Variants in PPP6R2 observed in about 807,000 individuals in gnomAD.
The protein encoded by PPP6R2 is protein phosphatase 6 regulatory subunit 2, also known as serine/threonine-protein phosphatase 6 regulatory subunit 2.
Under a neutral mutation model 100.2 loss-of-function variants are expected in PPP6R2, and 62 were observed. The observed-to-expected ratio is 0.62, with a 90% CI of 0.50 to 0.76. The LOEUF is 0.76. Among genes scored for constraint, PPP6R2 ranks in the 30% least tolerant of loss-of-function variants. PPP6R2 has a pLI of 0.00. For synonymous variants in PPP6R2, 525 were observed against 514.7 expected (o/e 1.02, Z -0.27); for missense variants, 1,142 against 1,276.3 (o/e 0.89, Z 1.60).
rs1010655137 is a variant in PPP6R2 at position 50,393,534 on chromosome 22, G to A, written c.-16-359G>A. 1.9e-5 allele frequency: 19 copies of A among 985,082 alleles called. No individual in the cohort carries two copies. In the African/African-American group the frequency reaches 2.6e-4, roughly 14 times the overall value. 61.0% of individuals were successfully genotyped at this position (985,082 alleles called of 1,614,324 possible). On this transcript the variant is annotated intron_variant, in intron 2 of 23. Transcript: ENST00000612753. ...GCATGTCGAGCACGCTGGTGGGTGG[G>A]GGACAGTGTGGGGAAGGAGGGCAAA...
chr22:50,376,508 C>T (rs1306611616), intron 2 of PPP6R2, among the ~76,000 whole-genome samples: 1 of 152,036 alleles, frequency 6.6e-6, no homozygotes, highest in Non-Finnish European at 1.5e-5. Flanking sequence ...CTGCAACTTC[C>T]GCCTCCTGGG....
chr22:50,441,138 C>T, intron 22 of PPP6R2, 112 bp downstream of exon 22: 1 of 952,658 alleles, frequency 1.0e-6, no homozygotes, highest in Non-Finnish European at 1.5e-6. Context: ...CCAGGGTCTT[C>T]TCCACACTGC....
At chr22:50,336,654 A>G in the PPP6R2 span, among the ~76,000 whole-genome samples, 1 of 152,036 alleles carries the variant, frequency 6.6e-6, no homozygotes, top group East Asian at 1.9e-4. Flanking sequence ...TCAGCCTCCC[A>G]AATTGCTGGG....
chr22:50,334,117 G>A, the PPP6R2 span, among the ~76,000 whole-genome samples: 9 of 152,392 alleles, frequency 5.9e-5, no homozygotes, highest in South Asian at 2.1e-4. Flanking sequence ...GACTAGGAGC[G>A]TGACCGCTGA....
intron 2 of PPP6R2, among the ~76,000 whole-genome samples, chr22:50,373,343 G>A (rs2050714503): frequency 6.9e-6 from 1 of 145,904 alleles, no homozygotes; most frequent in Admixed American, 7.0e-5. Flanking sequence ...CTGGGTTCAT[G>A]CCATTCTCCT....
chr22:50,423,089 G>A lies in PPP6R2; in HGVS notation c.973-373G>A, dbSNP rs12483987. Among the ~76,000 whole-genome samples, 957 of 152,218 alleles carry A rather than the reference G, an allele frequency of 6.3e-3. 4 individuals carry two copies. Among genetic ancestry groups the A allele is most frequent in the South Asian group, 0.024 (116 of 4,820 alleles). ...AGCTTGGTGTTCTGAGATTGTGGCC[G>A]CAGAGGGACCCCCACTGGGCATCCT... On this transcript the variant is annotated intron_variant, in intron 9 of 23. Coordinates refer to ENST00000612753, the MANE Select transcript of PPP6R2 (RefSeq NM_001242898.2). This position sits in a 1 kb window ranked among gnomAD's most constrained non-coding sequence, Gnocchi z 4.8.
chr22:50,339,061 TGTG>T (rs375624554), upstream of PPP6R2, among the ~76,000 whole-genome samples: 2,331 of 126,044 alleles, frequency 0.018, 28 homozygotes, highest in South Asian at 0.042. Context: ...TGTTATGTGG[TGTG>T]GTGTATGTGG....
At chr22:50,395,769 G>A (rs909408840) in intron 3 of PPP6R2, among the ~76,000 whole-genome samples, 1 of 149,812 alleles carries the variant, frequency 6.7e-6, no homozygotes, top group Non-Finnish European at 1.5e-5. Context: ...GTTTCACCAC[G>A]TTGCACAGGC....
At chr22:50,367,650 C>T (rs919157270) in intron 1 of PPP6R2, among the ~76,000 whole-genome samples, 3 of 152,092 alleles carry the variant, frequency 2.0e-5, no homozygotes, top group Admixed American at 1.3e-4. Context: ...CCAGACTGTC[C>T]CATTACAGTC....
In PPP6R2 at chr22:50,444,624, T is replaced by C. The variant is rs1231407306; in HGVS notation, c.*377T>C. 4.2e-6 allele frequency: 1 copy of C among 237,468 alleles called. No individual in the cohort carries two copies. The highest frequency in any genetic ancestry group is 2.3e-5 in the African/African-American group (1 of 42,748). The allele number at this position is 237,468 out of a possible 1,614,324, so 14.7% of individuals were successfully genotyped here. On this transcript the variant is annotated 3_prime_UTR_variant, in exon 24 of 24. Coordinates refer to ENST00000612753, the MANE Select transcript of PPP6R2 (RefSeq NM_001242898.2). Reference sequence around the variant, plus strand: ...CATGGAGGCTGTTTTTACAGTTTTTTTTTTGTTGTTGTTTTGTTTTTAAAG... The same window carrying C: ...CATGGAGGCTGTTTTTACAGTTTTTCTTTTGTTGTTGTTTTGTTTTTAAAG...
chr22:50,439,208 C>T (rs1202426715), intron 19 of PPP6R2, among the ~76,000 whole-genome samples: 3 of 152,182 alleles, frequency 2.0e-5, no homozygotes, highest in Admixed American at 1.3e-4. Context: ...CACTGAGGCA[C>T]TCAGGACTTT....
At chr22:50,427,342 C>T (rs1475064263) in intron 10 of PPP6R2, among the ~76,000 whole-genome samples, 1 of 152,184 alleles carries the variant, frequency 6.6e-6, no homozygotes, top group African/African-American at 2.4e-5. Context: ...AGTTTTCCAA[C>T]TTTGTTCTTT....
At chr22:50,405,540 AAGAGGCCTGGAGAGAG>A (rs2058742484) in intron 3 of PPP6R2, among the ~76,000 whole-genome samples, 3 of 54,990 alleles carry the variant, frequency 5.5e-5, no homozygotes, top group African/African-American at 1.4e-4. Context: ...GGAGAGAGGT[AAGAGGCCTGGAGAGAG>A]GTGAGAGGCC....
intron 1 of PPP6R2, among the ~76,000 whole-genome samples, chr22:50,357,974 C>G (rs1478955914): frequency 6.6e-6 from 1 of 151,816 alleles, no homozygotes; most frequent in South Asian, 2.1e-4. Flanking sequence ...TTTCTTGAGA[C>G]ACGGTCTCGC....
intron 6 of PPP6R2, among the ~76,000 whole-genome samples, chr22:50,418,078 A>G (rs1433317369): frequency 6.6e-6 from 1 of 152,190 alleles, no homozygotes; most frequent in East Asian, 1.9e-4. Flanking sequence ...ATTAGCTTAC[A>G]GGACTCATTC....
chr22:50,442,336 G>A (rs1408506541), intron 22 of PPP6R2, among the ~76,000 whole-genome samples: 5 of 152,206 alleles, frequency 3.3e-5, no homozygotes, highest in Admixed American at 3.3e-4. Context: ...CTGTTGACCA[G>A]CAGGCCCCGT....
At position 50,393,780 on chromosome 22, in the gene PPP6R2, C is replaced by T. The variant is rs1045859285; in HGVS notation, c.-16-113C>T. The stretch of plus-strand genomic sequence containing the variant: ...CTTCCAGGACTTGGGTCTAGTGTTG[C>T]TGAGGGTGGATCTGCAGAGGTGAGA... On this transcript the variant is annotated intron_variant, in intron 2 of 23. Coordinates refer to ENST00000612753, the MANE Select transcript of PPP6R2 (RefSeq NM_001242898.2). 8.0e-5 allele frequency: 122 copies of T among 1,531,046 alleles called. 2 individuals carry two copies. The East Asian group carries it at 2.7e-3, about 34-fold the overall frequency. The allele number at this position is 1,531,046 out of a possible 1,614,324, so 94.8% of individuals were successfully genotyped here.
At chr22:50,368,225 G>A (rs186598252) in intron 1 of PPP6R2, among the ~76,000 whole-genome samples, 102 of 152,308 alleles carry the variant, frequency 6.7e-4, no homozygotes, top group African/African-American at 2.5e-3. Context: ...GGCTGCGGGC[G>A]GGCCTGACTG....
At chr22:50,375,413 G>GT (rs1264443321) in intron 2 of PPP6R2, among the ~76,000 whole-genome samples, 1 of 152,200 alleles carries the variant, frequency 6.6e-6, no homozygotes, top group Non-Finnish European at 1.5e-5. Flanking sequence ...TGTGGACAAA[G>GT]TGGGGCTTTG....
Sources: allele counts gnomAD v4.1 joint callset (sites outside exome capture counted in the v4.1 genomes callset), GRCh38; gene constraint gnomAD v4.1.1; non-coding constraint Gnocchi (gnomAD v3.1); transcripts MANE v1.5; gene names NCBI Gene and HGNC (gene_info 2026-07-23, HGNC 2026-07-21).